SSH2: variants seen among roughly 807,000 people sequenced by gnomAD.
SSH2 encodes protein phosphatase Slingshot homolog 2.
In SSH2, 37 loss-of-function variants were observed where a neutral mutation model predicts 135.2. The observed-to-expected ratio is 0.27, with a 90% CI of 0.21 to 0.36. SSH2 has a LOEUF of 0.36. SSH2 is among the 10% of genes least tolerant of loss of function. The pLI, the probability that SSH2 is intolerant of heterozygous loss-of-function variation, is 1.00. For missense variants in SSH2, 1,408 were observed against 1,765.3 expected, an observed-to-expected ratio of 0.80 and a Z score of 3.63; for synonymous variants, 628 against 646.2, an observed-to-expected ratio of 0.97 and a Z score of 0.43.
chr17:29,805,269 C>A (rs968418070), intron 2 of SSH2, among the ~76,000 whole-genome samples: 19 of 152,116 alleles, frequency 1.2e-4, no homozygotes, highest in African/African-American at 4.1e-4. Flanking sequence ...CATTCTCCTG[C>A]CTCAGCCTCC....
chr17:29,925,056 A>G (rs1597521039), intron 1 of SSH2, among the ~76,000 whole-genome samples: 1 of 152,176 alleles, frequency 6.6e-6, no homozygotes, highest in Non-Finnish European at 1.5e-5. Flanking sequence ...ACTTCTATGC[A>G]GTTATTACAC....
At chr17:29,814,332 CTGAGGCAGGAGAATGGCG>C (rs1396985230) in intron 2 of SSH2, among the ~76,000 whole-genome samples, 4 of 143,706 alleles carry the variant, frequency 2.8e-5, no homozygotes, top group Non-Finnish European at 6.0e-5. Flanking sequence ...ACTCGGGAGG[CTGAGGCAGGAGAATGGCG>C]TGAACCCGGG....
At chr17:29,830,212 G>A (rs1432415314) in intron 2 of SSH2, among the ~76,000 whole-genome samples, 1 of 152,140 alleles carries the variant, frequency 6.6e-6, no homozygotes, top group Non-Finnish European at 1.5e-5. Context: ...GCACCAGCTT[G>A]AGTTATTTTC....
intron 1 of SSH2, among the ~76,000 whole-genome samples, chr17:29,890,788 G>A (rs1457654224): frequency 1.3e-5 from 2 of 151,894 alleles, no homozygotes; most frequent in Admixed American, 6.6e-5. Context: ...AAAGCTGTTC[G>A]CTCTGTCACC....
intron 2 of SSH2, among the ~76,000 whole-genome samples, chr17:29,830,760 TAC>T (rs1280372421): frequency 6.6e-6 from 1 of 152,126 alleles, no homozygotes; most frequent in Non-Finnish European, 1.5e-5. Flanking sequence ...AAAGAGTAAA[TAC>T]AGTCAGTGAA....
intron 11 of SSH2, among the ~76,000 whole-genome samples, chr17:29,664,133 G>A (rs1488156079): frequency 6.6e-6 from 1 of 152,168 alleles, no homozygotes; most frequent in African/African-American, 2.4e-5. Context: ...TGTAATCCCG[G>A]CACTTTGGGA....
Position 29,631,961 on chromosome 17 carries a change from G to A in SSH2, c.3233C>T (p.Thr1078Ile), listed in dbSNP as rs769551827. 24 of 1,614,106 alleles carry A rather than the reference G, an allele frequency of 1.5e-5. No homozygotes were observed. The highest frequency in any genetic ancestry group is 2.0e-5 in the Non-Finnish European group (24 of 1,180,042). Residue 1078 changes from threonine to isoleucine, a missense_variant, in exon 16 of 16, where the codon ACT (threonine) becomes ATT (isoleucine). Coordinates refer to ENST00000540801, the MANE Select transcript of SSH2 (RefSeq NM_001282129.2). ...ATTTTCATCCAGTGTGCAGAGCACAGTGACAGATTTTTCCATGTTCACTTT... is the reference window on the plus strand; with the variant it reads ...ATTTTCATCCAGTGTGCAGAGCACAATGACAGATTTTTCCATGTTCACTTT... ...LRKVNMEKSV[T>I]VLCTLDENLN...
intron 3 of SSH2, among the ~76,000 whole-genome samples, chr17:29,723,529 T>C (rs141778538): frequency 6.6e-6 from 1 of 152,224 alleles, no homozygotes; most frequent in East Asian, 1.9e-4. Flanking sequence ...GATAAGAAAG[T>C]ATGGAAGATA....
intron 3 of SSH2, among the ~76,000 whole-genome samples, chr17:29,739,670 C>T (rs941384730): frequency 2.6e-5 from 4 of 152,152 alleles, no homozygotes; most frequent in Admixed American, 1.3e-4. Flanking sequence ...TTTCCTAATG[C>T]TCCATCAGAT....
chr17:29,628,194 G>A lies in SSH2; in HGVS notation c.*2647C>T, dbSNP rs1212809199. ...CACCCAATTCTGGGAGTCTGAAAAG[G>A]CTGGCACAAACTCCTTGGCATGGTT... On this transcript the variant is annotated 3_prime_UTR_variant, in exon 16 of 16. Coordinates refer to ENST00000540801, the MANE Select transcript of SSH2 (RefSeq NM_001282129.2). 1 of 152,194 alleles carries A rather than the reference G, an allele frequency of 6.6e-6. No homozygotes were observed. The highest frequency in any genetic ancestry group is 1.5e-5 in the Non-Finnish European group (1 of 68,036). The allele number at this position is 152,194 out of a possible 1,614,324, so 9.4% of individuals were successfully genotyped here. A position where few individuals can be genotyped will look rare whatever the true frequency, so the allele number is the denominator to read the frequency against.
At chr17:29,787,244 T>C (rs957239667) in intron 3 of SSH2, among the ~76,000 whole-genome samples, 10 of 152,252 alleles carry the variant, frequency 6.6e-5, no homozygotes, top group African/African-American at 2.4e-4. Context: ...CTTTTTGTGA[T>C]TGGCTTATTT....
At chr17:29,913,951 A>T (rs1160650050) in intron 1 of SSH2, among the ~76,000 whole-genome samples, 1 of 152,040 alleles carries the variant, frequency 6.6e-6, no homozygotes, top group Non-Finnish European at 1.5e-5. Flanking sequence ...TATATTTCTT[A>T]CATAGAAGTG....
intron 14 of SSH2, among the ~76,000 whole-genome samples, chr17:29,642,049 T>A (rs2036185514): frequency 6.6e-6 from 1 of 151,974 alleles, no homozygotes. Flanking sequence ...AGAAAAAGCA[T>A]TATCTGAATA....
intron 3 of SSH2, among the ~76,000 whole-genome samples, chr17:29,751,863 T>C (rs1468581080): frequency 2.6e-5 from 4 of 152,138 alleles, no homozygotes; most frequent in Non-Finnish European, 5.9e-5. Flanking sequence ...CAAGGTGGTC[T>C]GATATAAAAG....
At chr17:29,838,535 T>C (rs1016818119) in intron 2 of SSH2, among the ~76,000 whole-genome samples, 2 of 152,204 alleles carry the variant, frequency 1.3e-5, no homozygotes, top group Non-Finnish European at 2.9e-5. Context: ...CGTCCACTCA[T>C]GAACCAACTG....
intron 1 of SSH2, among the ~76,000 whole-genome samples, chr17:29,857,005 G>A (rs1280086289): frequency 6.6e-6 from 1 of 152,134 alleles, no homozygotes; most frequent in Non-Finnish European, 1.5e-5. Flanking sequence ...TGGGGATGCA[G>A]CCAAACCATA....
intron 2 of SSH2, among the ~76,000 whole-genome samples, chr17:29,830,454 T>G (rs528520284): frequency 6.6e-6 from 1 of 152,346 alleles, no homozygotes; most frequent in African/African-American, 2.4e-5. Context: ...CCCTGATTGC[T>G]ATATTCTCAT....
At chr17:29,744,049 C>T (rs573940777) in intron 3 of SSH2, among the ~76,000 whole-genome samples, 17 of 151,810 alleles carry the variant, frequency 1.1e-4, no homozygotes, top group African/African-American at 2.2e-4. Context: ...GTCACAAGAG[C>T]GGGCCGTATT....
At chr17:29,815,515 C>A (rs2042542782) in intron 2 of SSH2, among the ~76,000 whole-genome samples, 1 of 152,212 alleles carries the variant, frequency 6.6e-6, no homozygotes, top group Non-Finnish European at 1.5e-5. Flanking sequence ...CCTGCCTCGG[C>A]CTCCCGAAGT....
Sources: gnomAD v4.1 joint callset for allele counts (sites outside exome capture counted in the v4.1 genomes callset) on GRCh38, gnomAD v4.1.1 for gene constraint, MANE v1.5 for transcripts, NCBI Gene and HGNC (gene_info 2026-07-23, HGNC 2026-07-21) for gene names.